Variants in SON observed in about 807,000 individuals in gnomAD.
SON encodes the protein protein SON.
Under a neutral mutation model 173.3 loss-of-function variants are expected in SON, and 4 were observed. That is an observed-to-expected ratio of 0.02 (90% CI 0.01 to 0.05). The LOEUF (loss-of-function observed/expected upper bound fraction) is 0.05. SON is among the 10% of genes least tolerant of loss of function. The pLI, the probability that SON is intolerant of heterozygous loss-of-function variation, is 1.00. For missense variants in SON, 2,626 were observed against 3,055.3 expected (o/e 0.86, Z 3.31); for synonymous variants, 1,190 against 1,105.9 (o/e 1.08, Z -1.51).
intron 6 of SON, among the ~76,000 whole-genome samples, chr21:33,565,413 TTAA>T (rs1415640493): frequency 5.3e-5 from 8 of 152,160 alleles, no homozygotes; most frequent in Non-Finnish European, 2.9e-5. Context: ...TGTGAGAAGG[TTAA>T]TGAGACAGTA....
chr21:33,557,521 A>G, intron 4 of SON: 1 of 1,550,704 alleles, frequency 6.4e-7, no homozygotes, highest in Non-Finnish European at 8.7e-7. Flanking sequence ...GCTAAAAGTT[A>G]CTTCCCATTA....
chr21:33,572,987 A>G (rs2086319782), intron 8 of SON: 1 of 232,806 alleles, frequency 4.3e-6, no homozygotes, highest in South Asian at 7.0e-5. Flanking sequence ...TTTGCAAGCT[A>G]AGAAGAGATA....
chr21:33,569,924 C>T (rs914992956), intron 8 of SON: 2 of 171,082 alleles, frequency 1.2e-5, no homozygotes, highest in Non-Finnish European at 2.5e-5. Context: ...CCTCGTGCTA[C>T]GAAGATGTAG....
Position 33,550,190 on chromosome 21 carries a change from C to T in SON, c.959C>T (p.Pro320Leu), listed in dbSNP as rs2085729992. 1.2e-6 allele frequency: 2 copies of T among 1,614,130 alleles called. No individual in the cohort carries two copies. Among genetic ancestry groups the T allele is most frequent in the South Asian group, 2.2e-5 (2 of 91,086 alleles). Reference protein sequence around the residue: ...SETPTEVYPEPSTSTTMDFPE... With the variant: ...SETPTEVYPELSTSTTMDFPE... Reference sequence around the variant, plus strand: ...ACACCTACTGAGGTGTACCCTGAGCCAAGCACATCAACAACAATGGATTTT... The same window carrying T: ...ACACCTACTGAGGTGTACCCTGAGCTAAGCACATCAACAACAATGGATTTT... The change falls in exon 3 of 12, where the codon CCA becomes CTA. Residue 320 changes from proline (P) to leucine (L), a missense_variant. Physicochemically the swap from Pro to Leu is moderately conservative, Grantham distance 98. Transcript: ENST00000356577.
In SON at chr21:33,557,322, C is replaced by G; in HGVS notation, c.6321+6C>G. ...CTATAGAAGAACTAACTGAGGTAAG[C>G]TAGACAGAATTTGTTTTCATTCTTA... On this transcript the variant is annotated splice_donor_region_variant and intron_variant, in intron 4 of 11. Coordinates refer to ENST00000356577, the MANE Select transcript of SON (RefSeq NM_138927.4). 1 of 1,613,248 alleles carries G rather than the reference C, an allele frequency of 6.2e-7. No homozygotes were observed. Among genetic ancestry groups the G allele is most frequent in the Non-Finnish European group, 8.5e-7 (1 of 1,179,700 alleles).
intron 1 of SON, among the ~76,000 whole-genome samples, chr21:33,544,071 G>T (rs934427556): frequency 2.0e-5 from 3 of 152,208 alleles, no homozygotes; most frequent in Non-Finnish European, 4.4e-5. Flanking sequence ...AAGTACAGAA[G>T]TAGGAAAGAG....
chr21:33,550,875 G>T lies in SON; in HGVS notation c.1644G>T (p.Leu548Phe). Residue 548 changes from leucine to phenylalanine, a missense_variant, in exon 3 of 12, where the codon TTG (leucine) becomes TTT (phenylalanine). Physicochemically the swap from Leu to Phe is conservative, Grantham distance 22. Coordinates refer to ENST00000356577, the MANE Select transcript of SON (RefSeq NM_138927.4). ...CTGAGGCAACGATGGTGCTGGAGTT[G>T]CCAGGACAGCCAGTGGCAACGACAG... ...GQPEATMVLE[L>F]PGQPVATTAL... is the part of the protein sequence containing the mutation. 3 of 1,612,358 alleles carry T rather than the reference G, an allele frequency of 1.9e-6. No homozygotes were observed. The highest frequency in any genetic ancestry group is 2.5e-6 in the Non-Finnish European group (3 of 1,178,578).
At chr21:33,574,363 T>G (rs548424573) in intron 9 of SON, among the ~76,000 whole-genome samples, 1 of 152,348 alleles carries the variant, frequency 6.6e-6, no homozygotes, top group East Asian at 1.9e-4. Context: ...CCAAATACTT[T>G]GATGTTAAGT....
In SON at chr21:33,554,281, C is replaced by T. The variant is rs2085900706; in HGVS notation, c.5050C>T (p.Pro1684Ser). The change falls in exon 3 of 12, where the codon CCT becomes TCT. Residue 1684 changes from proline to serine, a missense_variant. By Grantham distance (74) the Pro-to-Ser change is moderately conservative. Transcript: ENST00000356577. The part of the protein sequence containing the change: ...LVSKDTEEPL[P>S]VKESDQTLAA... ...TAGTAAGGATACAGAAGAACCATTA[C>T]CTGTAAAAGAGAGTGACCAGACATT... is the stretch of plus-strand genomic sequence containing the variant. The T allele has an allele frequency of 3.7e-6, 6 of 1,613,980 alleles. No individual in the cohort carries two copies. Among genetic ancestry groups the T allele is most frequent in the Admixed American group, 3.3e-5 (2 of 60,000 alleles).
intron 8 of SON, among the ~76,000 whole-genome samples, chr21:33,570,482 CAGTT>C (rs1324176317): frequency 5.9e-5 from 9 of 152,054 alleles, no homozygotes; most frequent in Non-Finnish European, 4.4e-5. Flanking sequence ...AGTGAGTACA[CAGTT>C]AGATTCATTA....
intron 8 of SON, 145 bp from the exon 9 acceptor site, chr21:33,573,163 T>C (rs545299990): frequency 9.6e-6 from 6 of 627,888 alleles, no homozygotes; most frequent in Admixed American, 3.0e-5. Context: ...CTACAGTATG[T>C]ATAAAGTATA....
chr21:33,567,072 TA>T (rs2145868572), intron 6 of SON, 84 bp from the exon 7 acceptor site: 2 of 686,892 alleles, frequency 2.9e-6, no homozygotes, highest in Non-Finnish European at 5.1e-6. Context: ...TTGTTTTTGA[TA>T]TGTAGCAACT....
At position 33,551,563 on chromosome 21, in the gene SON, A is replaced by G. The variant is rs376228202; in HGVS notation, c.2332A>G (p.Thr778Ala). Residue 778 changes from threonine to alanine, a missense_variant, in exon 3 of 12, where the codon ACT becomes GCT. Thr to Ala is a moderately conservative substitution (Grantham distance 58). Transcript: ENST00000356577. Reference sequence around the variant, plus strand: ...CTCCATGGACTCCCAGATGTTAGCAACTAGCTCCATGGACTCCCAGATGTT... The same window carrying G: ...CTCCATGGACTCCCAGATGTTAGCAGCTAGCTCCATGGACTCCCAGATGTT... Reference protein sequence around the residue: ...TSSMDSQMLATSSMDSQMLAT... With the variant: ...TSSMDSQMLAASSMDSQMLAT... 1.1e-5 allele frequency: 17 copies of G among 1,612,266 alleles called. No homozygotes were observed. Among genetic ancestry groups the G allele is most frequent in the African/African-American group, 6.7e-5 (5 of 74,244 alleles).
rs1374037459 is a variant in SON, at chr21:33,553,044, A to G, written c.3813A>G (p.Glu1271=). Residue 1271 remains glutamate (E), a synonymous_variant, in exon 3 of 12, where the codon GAA becomes GAG. Coordinates refer to ENST00000356577, the MANE Select transcript of SON (RefSeq NM_138927.4). ...CTGTAGAGTCTGCAGTAGTAGCAGA[A>G]GAACATGAAGTTGTTCCAGAGAGAC... ...LTPVESAVVA[E]EHEVVPERPV... 1 of 1,614,114 alleles carries G rather than the reference A, an allele frequency of 6.2e-7. No individual in the cohort carries two copies. The highest frequency in any genetic ancestry group is 8.5e-7 in the Non-Finnish European group (1 of 1,180,042).
chr21:33,545,634 A>AG (rs2085596879), intron 1 of SON, among the ~76,000 whole-genome samples: 1 of 152,212 alleles, frequency 6.6e-6, no homozygotes, highest in South Asian at 2.1e-4. Context: ...TATAAACCAG[A>AG]GTTCTTGATA....
rs1222667766 is a variant in SON, at chr21:33,554,749, A to T, written c.5518A>T (p.Thr1840Ser). 2 of 1,613,924 alleles carry T rather than the reference A, an allele frequency of 1.2e-6. No homozygotes were observed. The highest frequency in any genetic ancestry group is 1.7e-6 in the Non-Finnish European group (2 of 1,180,026). Residue 1840 changes from threonine to serine, a missense_variant, in exon 3 of 12, where the codon ACC becomes TCC. By Grantham distance (58) the Thr-to-Ser change is moderately conservative. Coordinates refer to ENST00000356577, the MANE Select transcript of SON (RefSeq NM_138927.4). ...KSSEHKSRKR[T>S]SESRSRARKR... ...TTCTGAACACAAATCACGCAAGCGT[A>T]CCAGTGAATCTCGTTCTAGGGCAAG...
At chr21:33,567,758 C>G (rs1462024267) in intron 7 of SON, among the ~76,000 whole-genome samples, 1 of 152,040 alleles carries the variant, frequency 6.6e-6, no homozygotes, top group Non-Finnish European at 1.5e-5. Flanking sequence ...ACTAAAAATA[C>G]AAAAATTAGC....
At position 33,552,346 on chromosome 21, in the gene SON, C is replaced by T. The variant is rs1453241080; in HGVS notation, c.3115C>T (p.Arg1039Cys). The T allele has an allele frequency of 3.1e-6, 5 of 1,613,690 alleles. No individual in the cohort carries two copies. The highest frequency in any genetic ancestry group is 2.2e-5 in the East Asian group (1 of 44,886). ...AERSMMSAYE[R>C]SMMSAYERSM... ...ACGCTCTATGATGTCAGCCTACGAG[C>T]GCTCTATGATGTCAGCCTACGAGCG... The change falls in exon 3 of 12, where the codon CGC becomes TGC. Residue 1039 changes from arginine to cysteine, a missense_variant. Physicochemically the swap from Arg to Cys is radical, Grantham distance 180 (BLOSUM62 -3). This residue lies in a region of SON where 366 missense variants were observed against 448.6 expected (regional missense o/e 0.82). Transcript: ENST00000356577. The surrounding 1 kb of genome is among the most constrained non-coding windows in gnomAD (Gnocchi z 5.6).
At chr21:33,563,286 A>G (rs1012182908) in intron 6 of SON, among the ~76,000 whole-genome samples, 3 of 152,198 alleles carry the variant, frequency 2.0e-5, no homozygotes, top group Non-Finnish European at 4.4e-5. Flanking sequence ...AGAATTTTGT[A>G]TGATACAATA....
Sources: gnomAD v4.1 joint callset for allele counts (sites outside exome capture counted in the v4.1 genomes callset) on GRCh38, gnomAD v4.1.1 for gene constraint, gnomAD v4.1.1 regional missense constraint, Gnocchi (gnomAD v3.1) non-coding constraint, MANE v1.5 for transcripts, NCBI Gene and HGNC (gene_info 2026-07-23, HGNC 2026-07-21) for gene names.